The following ANKS3 variants were observed in gnomAD, a reference collection of about 807,000 sequenced individuals.
ANKS3 encodes the protein ankyrin repeat and sterile alpha motif domain containing 3, also known as ankyrin repeat and SAM domain-containing protein 3.
ANKS3 carries 62 observed loss-of-function variants against 80.7 expected under a neutral mutation model. The observed-to-expected ratio is 0.77, with a 90% CI of 0.63 to 0.95. The LOEUF is 0.95. Ranked by LOEUF, ANKS3 falls within the 40% of genes least tolerant of loss-of-function variation. The probability of loss-of-function intolerance (pLI) is 0.00; values close to 1 mark genes in which losing one functional copy is unlikely to be tolerated. For missense variants in ANKS3, 1,150 were observed against 883.6 expected, an observed-to-expected ratio of 1.30 and a Z score of -3.82; for synonymous variants, 489 against 355.3, an observed-to-expected ratio of 1.38 and a Z score of -4.23.
intron 5 of ANKS3, chr16:4,725,073 G>A (rs749439360): frequency 5.3e-5 from 19 of 361,084 alleles, no homozygotes; most frequent in Non-Finnish European, 3.5e-5. Context: ...TCTGCCTGTC[G>A]TCCCACCTGT....
chr16:4,733,943 T>A lies in ANKS3; in HGVS notation c.-76A>T, dbSNP rs2081809467. On this transcript the variant is annotated 5_prime_UTR_variant, in exon 1 of 18. Coordinates refer to ENST00000304283, the MANE Select transcript of ANKS3 (RefSeq NM_133450.4). ...CCGACAAACCCGTAACTCACAGCAG[T>A]GACGCTTCCCGACGCCCCCCGGCCA... 5 of 985,350 alleles carry A rather than the reference T, an allele frequency of 5.1e-6. No individual in the cohort carries two copies. Among genetic ancestry groups the A allele is most frequent in the Non-Finnish European group, 6.0e-6 (5 of 829,984 alleles). 61.0% of individuals were successfully genotyped at this position (985,350 alleles called of 1,614,324 possible).
rs887284400 is a variant in ANKS3, at chr16:4,699,069, C to G, written c.1392G>C (p.Leu464=). 3 of 1,614,192 alleles carry G rather than the reference C, an allele frequency of 1.9e-6. No individual in the cohort carries two copies. Among genetic ancestry groups the G allele is most frequent in the Admixed American group, 3.3e-5 (2 of 60,034 alleles). Residue 464 remains leucine, a synonymous_variant, in exon 12 of 18, where the codon CTG becomes CTC. Transcript: ENST00000304283. ...RIFLTLTESD[L]KEIGITLFGP... ...GGACGCACGTGATGCCAATTTCCTT[C>G]AGGTCGCTCTCAGTGAGGGTCAGAA...
At chr16:4,704,557 GA>G (rs1320335206) in intron 8 of ANKS3, among the ~76,000 whole-genome samples, 1 of 152,212 alleles carries the variant, frequency 6.6e-6, no homozygotes, top group African/African-American at 2.4e-5. Flanking sequence ...CTGGGAATCT[GA>G]GAATGAACGA....
chr16:4,728,738 G>A (rs2081481551), intron 3 of ANKS3, among the ~76,000 whole-genome samples: 1 of 152,130 alleles, frequency 6.6e-6, no homozygotes, highest in Admixed American at 6.5e-5. Flanking sequence ...AGCGGTTATG[G>A]ACTCTGCATC....
At chr16:4,729,926 A>C in intron 3 of ANKS3, 54 bp downstream of exon 3, 1 of 1,393,722 alleles carries the variant, frequency 7.2e-7, no homozygotes, top group Non-Finnish European at 9.4e-7. Context: ...CGTGGGATCG[A>C]AGCCATCACT....
At position 4,705,151 on chromosome 16, in the gene ANKS3, G is replaced by A. The variant is rs1160448261; in HGVS notation, c.812C>T (p.Ala271Val). 5 of 1,613,532 alleles carry A rather than the reference G, an allele frequency of 3.1e-6. No homozygotes were observed. The highest frequency in any genetic ancestry group is 2.7e-5 in the African/African-American group (2 of 74,942). ...KGVSIHEGPR[A>V]LARITGIGLG... ...GCCAATGCCTGTGATCCTGGCCAGG[G>A]CTCGCGGTCCCTCGTGGATGCTGAC... The change falls in exon 8 of 18, where the codon GCC becomes GTC. Residue 271 changes from alanine to valine, a missense_variant. Physicochemically the swap from Ala to Val is moderately conservative, Grantham distance 64 (BLOSUM62 0). Transcript: ENST00000304283.
chr16:4,708,982 G>T (rs549220913), intron 7 of ANKS3, among the ~76,000 whole-genome samples: 1 of 151,800 alleles, frequency 6.6e-6, no homozygotes, highest in Non-Finnish European at 1.5e-5. Context: ...AATAAGAAGT[G>T]AGGCCGGGCG....
intron 5 of ANKS3, 27 bp downstream of exon 5, chr16:4,726,620 CTAGGCCACTCCT>C: frequency 6.2e-7 from 1 of 1,601,030 alleles, no homozygotes; most frequent in Non-Finnish European, 8.5e-7. Context: ...CAGATGACAC[CTAGGCCACTCCT>C]GTGGCCACTA....
Position 4,705,205 on chromosome 16 carries a change from T to C in ANKS3, c.758A>G (p.Gln253Arg), listed in dbSNP as rs201554424. The change falls in exon 8 of 18, where the codon CAG becomes CGG. Residue 253 changes from glutamine (Q) to arginine (R), a missense_variant. Gln to Arg is a conservative substitution (Grantham distance 43, BLOSUM62 1). Transcript: ENST00000304283. ...CTTCTTCCGGCAAGGCCTCTGTCTC[T>C]GAGGAGCAGGGCAGGACTCGTCAGA... is the stretch of plus-strand genomic sequence containing the variant. ...SSSDESCPAP[Q>R]RQRPCRKKGV... The C allele has an allele frequency of 7.5e-5, 121 of 1,614,008 alleles. 1 individual carries two copies. The East Asian group carries it at 9.6e-4, about 13-fold the overall frequency.
intron 8 of ANKS3, among the ~76,000 whole-genome samples, chr16:4,703,785 C>T (rs189621712): frequency 2.0e-5 from 3 of 152,252 alleles, no homozygotes; most frequent in African/African-American, 7.2e-5. Flanking sequence ...TATGAGAAAA[C>T]AAAAATCCCC....
chr16:4,698,448 G>A lies in ANKS3; in HGVS notation c.1703C>T (p.Ala568Val), dbSNP rs1285718263. 3.9e-6 allele frequency: 6 copies of A among 1,536,558 alleles called. No individual in the cohort carries two copies. Among genetic ancestry groups the A allele is most frequent in the East Asian group, 4.8e-5 (2 of 42,008 alleles). ...TCACCGCAGCTGGTCCAGGACGAGGGCAGCATCCCGGGCCAGGGCCCACGT... is the reference window on the plus strand; with the variant it reads ...TCACCGCAGCTGGTCCAGGACGAGGACAGCATCCCGGGCCAGGGCCCACGT... ...RETWALARDA[A>V]LVLDQLRACQ... Residue 568 changes from alanine to valine, a missense_variant, in exon 14 of 18, where the codon GCC becomes GTC. By Grantham distance (64) the Ala-to-Val change is moderately conservative. Transcript: ENST00000304283.
In ANKS3 at chr16:4,730,161, A is replaced by G; in HGVS notation, c.-2-10T>C. The G allele has an allele frequency of 6.6e-7, 1 of 1,518,356 alleles. No homozygotes were observed. 94.1% of individuals were successfully genotyped at this position (1,518,356 alleles called of 1,614,324 possible). Reference sequence around the variant, plus strand: ...CTGAGCTCGGACATCACTGAGGAGGAAGGCCCAAGGGTTAGATCTTTCCTG... The same window carrying G: ...CTGAGCTCGGACATCACTGAGGAGGGAGGCCCAAGGGTTAGATCTTTCCTG... On this transcript the variant is annotated splice_polypyrimidine_tract_variant and intron_variant, in intron 2 of 17. Transcript: ENST00000304283.
At chr16:4,701,245 G>C in intron 10 of ANKS3, 111 bp from the exon 11 acceptor site, 1 of 1,516,402 alleles carries the variant, frequency 6.6e-7, no homozygotes. Flanking sequence ...CCCCCCACCC[G>C]CCACACAGGG....
chr16:4,699,895 G>A (rs183286197), intron 11 of ANKS3: 3 of 152,426 alleles, frequency 2.0e-5, no homozygotes, highest in Non-Finnish European at 2.9e-5. Flanking sequence ...ACTTTTGAGA[G>A]TTTATTGCTT....
intron 3 of ANKS3, among the ~76,000 whole-genome samples, chr16:4,728,298 G>A (rs966465171): frequency 1.3e-5 from 2 of 152,156 alleles, no homozygotes; most frequent in African/African-American, 4.8e-5. Context: ...ACCCGCCTTA[G>A]CCTCCCAAAG....
Position 4,701,141 on chromosome 16 carries a change from T to C in ANKS3, c.1120-7A>G. On this transcript the variant is annotated splice_polypyrimidine_tract_variant and splice_region_variant and intron_variant, in intron 10 of 17. Transcript: ENST00000304283. ...TACAGGCATGATCCGAGTCCTGCAG[T>C]GAGAGGCGTGCATCTGAAAGAGTGC... is the stretch of plus-strand genomic sequence containing the variant. The C allele has an allele frequency of 1.9e-6, 3 of 1,613,654 alleles. No homozygotes were observed. Among genetic ancestry groups the C allele is most frequent in the South Asian group, 1.1e-5 (1 of 91,074 alleles).
intron 3 of ANKS3, chr16:4,727,977 A>T (rs2081438911): frequency 6.6e-6 from 1 of 152,258 alleles, no homozygotes; most frequent in African/African-American, 2.4e-5. Flanking sequence ...TCCCTTCCCC[A>T]GTTCTTGCCT....
chr16:4,714,870 T>C (rs1461418577), intron 6 of ANKS3, among the ~76,000 whole-genome samples: 1 of 151,156 alleles, frequency 6.6e-6, no homozygotes, highest in East Asian at 1.9e-4. Context: ...TGAACGCCTA[T>C]AGTCTCAGCT....
chr16:4,716,986 C>T (rs1451675042), intron 6 of ANKS3, among the ~76,000 whole-genome samples: 1 of 152,038 alleles, frequency 6.6e-6, no homozygotes, highest in East Asian at 1.9e-4. Flanking sequence ...AATCCCAGCA[C>T]TTTGGTAGGC....
Sources: gnomAD v4.1 joint callset for allele counts (sites outside exome capture counted in the v4.1 genomes callset) on GRCh38, gnomAD v4.1.1 for gene constraint, MANE v1.5 for transcripts, NCBI Gene and HGNC (gene_info 2026-07-23, HGNC 2026-07-21) for gene names.